Variants in DOK5 observed in about 807,000 individuals in gnomAD.
DOK5 encodes docking protein 5, also known as downstream of tyrosine kinase 5.
Under a neutral mutation model 43.3 loss-of-function variants are expected in DOK5, and 27 were observed. That is an observed-to-expected ratio of 0.62 (90% CI 0.46 to 0.86). The LOEUF (loss-of-function observed/expected upper bound fraction) is 0.86. Among genes scored for constraint, DOK5 ranks in the 40% least tolerant of loss-of-function variants. The pLI, the probability that DOK5 is intolerant of heterozygous loss-of-function variation, is 0.00. For synonymous variants in DOK5, 146 were observed against 140.1 expected (o/e 1.04, Z -0.30); for missense variants, 373 against 392.9 (o/e 0.95, Z 0.43).
At chr20:54,529,792 GGAAATGTTGTATAAGT>G (rs553150064) in intron 1 of DOK5, among the ~76,000 whole-genome samples, 408 of 152,192 alleles carry the variant, frequency 2.7e-3, no homozygotes, top group African/African-American at 9.3e-3. Flanking sequence ...GGCTTCTTTT[GGAAATGTTGTATAAGT>G]GAAATCCTAC....
At chr20:54,589,335 T>G (rs1985911738) in intron 4 of DOK5, among the ~76,000 whole-genome samples, 1 of 152,210 alleles carries the variant, frequency 6.6e-6, no homozygotes, top group Non-Finnish European at 1.5e-5. Context: ...TCCAATGTTT[T>G]CAATATAATT....
At chr20:54,607,772 A>G (rs1986516249) in intron 5 of DOK5, among the ~76,000 whole-genome samples, 2 of 152,110 alleles carry the variant, frequency 1.3e-5, no homozygotes, top group Admixed American at 6.6e-5. Context: ...AGTCCCAGCT[A>G]CTCATGAGGC....
At position 54,523,554 on chromosome 20, in the gene DOK5, A is replaced by T. The variant is rs149946061; in HGVS notation, c.67-31379A>T. ...GCACTCAAGCCTGTGTGACAGTGAG[A>T]CTCTGTCTCAAAAAATTCAATCAAC... On this transcript the variant is annotated intron_variant, in intron 1 of 7. Coordinates refer to ENST00000262593, the MANE Select transcript of DOK5 (RefSeq NM_018431.5). 5.1e-3 allele frequency among the ~76,000 whole-genome samples: 780 copies of T among 152,170 alleles called. 16 individuals carry two copies. In the South Asian group the frequency reaches 0.064, roughly 13 times the overall value.
At chr20:54,515,761 A>G (rs896010232) in intron 1 of DOK5, among the ~76,000 whole-genome samples, 1 of 152,246 alleles carries the variant, frequency 6.6e-6, no homozygotes, top group Non-Finnish European at 1.5e-5. Context: ...GCATAGTCCA[A>G]CTAAAGAGAG....
intron 2 of DOK5, among the ~76,000 whole-genome samples, chr20:54,587,241 TGAG>T (rs1232542533): frequency 6.6e-6 from 1 of 152,152 alleles, no homozygotes; most frequent in Non-Finnish European, 1.5e-5. Context: ...GGGCACTTTT[TGAG>T]GAGAAGTGGT....
chr20:54,624,852 A>G (rs920851016), intron 6 of DOK5, among the ~76,000 whole-genome samples: 7 of 152,152 alleles, frequency 4.6e-5, no homozygotes, highest in Admixed American at 6.5e-5. Context: ...TTGGCCCCAA[A>G]TGGTTGATTT....
chr20:54,604,081 A>G (rs1034189362), intron 5 of DOK5, among the ~76,000 whole-genome samples: 68 of 150,788 alleles, frequency 4.5e-4, no homozygotes, highest in Admixed American at 1.3e-3. Context: ...CGAGTAGCTG[A>G]GACTACAGGC....
At chr20:54,560,398 G>A (rs1052487293) in intron 2 of DOK5, among the ~76,000 whole-genome samples, 2 of 152,054 alleles carry the variant, frequency 1.3e-5, no homozygotes, top group African/African-American at 4.8e-5. Context: ...TTAAATGATG[G>A]ATTATTACTC....
At chr20:54,623,376 G>C (rs1987045765) in intron 6 of DOK5, among the ~76,000 whole-genome samples, 1 of 152,118 alleles carries the variant, frequency 6.6e-6, no homozygotes, top group African/African-American at 2.4e-5. Flanking sequence ...GGATGGGTCT[G>C]TGTGTTTGGG....
At chr20:54,533,294 G>A (rs922327942) in intron 1 of DOK5, among the ~76,000 whole-genome samples, 1 of 152,150 alleles carries the variant, frequency 6.6e-6, no homozygotes, top group East Asian at 1.9e-4. Context: ...AATGTCCACT[G>A]GGGGACACCA....
At chr20:54,546,564 G>A in intron 1 of DOK5, among the ~76,000 whole-genome samples, 1 of 133,062 alleles carries the variant, frequency 7.5e-6, no homozygotes. Flanking sequence ...TGACCCCACA[G>A]CAGGCCCCAG....
chr20:54,636,890 A>T (rs370148244), intron 6 of DOK5, among the ~76,000 whole-genome samples: 1 of 152,332 alleles, frequency 6.6e-6, no homozygotes, highest in East Asian at 1.9e-4. Flanking sequence ...CGAGACAATT[A>T]AATTTCAACA....
At chr20:54,489,041 A>C (rs975257998) in intron 1 of DOK5, among the ~76,000 whole-genome samples, 1 of 152,144 alleles carries the variant, frequency 6.6e-6, no homozygotes, top group African/African-American at 2.4e-5. Context: ...CAGATGTAAG[A>C]AGACAAATAG....
rs1193413078 is a variant in DOK5 at position 54,475,731 on chromosome 20, C to A, written c.-216C>A. 1.6e-5 allele frequency: 10 copies of A among 630,624 alleles called. No homozygotes were observed. Among genetic ancestry groups the A allele is most frequent in the Non-Finnish European group, 2.4e-5 (9 of 371,188 alleles). 39.1% of individuals were successfully genotyped at this position (630,624 alleles called of 1,614,324 possible). A position where few individuals can be genotyped will look rare whatever the true frequency, so the allele number is the denominator to read the frequency against. ...GCCTCCCCGCGCCGCGCTCTGCGCT[C>A]CCCGAAAGTGGCTGCAAGCCGGCCG... On this transcript the variant is annotated 5_prime_UTR_variant, in exon 1 of 8. Transcript: ENST00000262593. The surrounding 1 kb of genome is among the most constrained non-coding windows in gnomAD (Gnocchi z 4.2).
intron 6 of DOK5, among the ~76,000 whole-genome samples, chr20:54,641,705 A>T (rs1329648362): frequency 1.3e-5 from 2 of 152,160 alleles, no homozygotes; most frequent in African/African-American, 4.8e-5. Context: ...CATATGAGCA[A>T]CTAAAATGAC....
At chr20:54,645,533 C>G (rs1414943865) in intron 7 of DOK5, among the ~76,000 whole-genome samples, 1 of 152,130 alleles carries the variant, frequency 6.6e-6, no homozygotes, top group Non-Finnish European at 1.5e-5. Context: ...TGCGCCCGTC[C>G]CTCATCCTAG....
intron 6 of DOK5, among the ~76,000 whole-genome samples, chr20:54,630,104 G>C (rs899737552): frequency 6.6e-6 from 1 of 152,178 alleles, no homozygotes; most frequent in East Asian, 1.9e-4. Flanking sequence ...GAAGCTGTTT[G>C]GAAACGACTG....
chr20:54,616,777 T>G (rs1986823828), intron 6 of DOK5, among the ~76,000 whole-genome samples: 1 of 116,484 alleles, frequency 8.6e-6, no homozygotes, highest in Non-Finnish European at 1.6e-5. Context: ...TTTCTTTTTT[T>G]TTTTTTCTTT....
intron 6 of DOK5, among the ~76,000 whole-genome samples, chr20:54,638,122 G>GA (rs35374729): frequency 0.11 from 14,281 of 130,048 alleles, 1,602 homozygotes; most frequent in African/African-American, 0.28. Flanking sequence ...ACTCTGTCTC[G>GA]AAAAAAAAAA....
Sources: gnomAD v4.1 joint callset for allele counts (sites outside exome capture counted in the v4.1 genomes callset) on GRCh38, gnomAD v4.1.1 for gene constraint, Gnocchi (gnomAD v3.1) non-coding constraint, MANE v1.5 for transcripts, NCBI Gene and HGNC (gene_info 2026-07-23, HGNC 2026-07-21) for gene names.